CAMK1D: variants seen among roughly 807,000 people sequenced by gnomAD.
The protein encoded by CAMK1D is calcium/calmodulin dependent protein kinase ID.
In CAMK1D, 9 loss-of-function variants were observed where a neutral mutation model predicts 47.7. The observed-to-expected ratio is 0.19, with a 90% confidence interval of 0.11 to 0.33. The LOEUF (loss-of-function observed/expected upper bound fraction) is 0.33. CAMK1D is among the 10% of genes least tolerant of loss of function. The pLI, the probability that CAMK1D is intolerant of heterozygous loss-of-function variation, is 1.00. For missense variants in CAMK1D, 291 were observed against 488.7 expected, an observed-to-expected ratio of 0.60 and a Z score of 3.81; for synonymous variants, 184 against 184.9, an observed-to-expected ratio of 0.99 and a Z score of 0.04.
intron 1 of CAMK1D, among the ~76,000 whole-genome samples, chr10:12,368,135 T>C (rs1284793258): frequency 6.7e-6 from 1 of 148,744 alleles, no homozygotes; most frequent in Non-Finnish European, 1.5e-5. Context: ...GAGCTTGCAG[T>C]GAGCCGAGAT....
At chr10:12,552,476 G>T (rs58378483) in intron 1 of CAMK1D, among the ~76,000 whole-genome samples, 23,018 of 152,138 alleles carry the variant, frequency 0.15, 1,937 homozygotes, top group African/African-American at 0.22. Flanking sequence ...ATTTCCTCTA[G>T]ATGAAAAAGC....
intron 2 of CAMK1D, among the ~76,000 whole-genome samples, chr10:12,592,321 C>T (rs1838021364): frequency 6.6e-6 from 1 of 152,120 alleles, no homozygotes; most frequent in Admixed American, 6.5e-5. Flanking sequence ...TCTTGTTTTC[C>T]AGTATTTCTC....
At chr10:12,440,592 A>G (rs555218988) in intron 1 of CAMK1D, among the ~76,000 whole-genome samples, 2 of 152,124 alleles carry the variant, frequency 1.3e-5, no homozygotes, top group East Asian at 3.9e-4. Flanking sequence ...CCAGCCAGAT[A>G]CCTGTTTTTT....
intron 1 of CAMK1D, among the ~76,000 whole-genome samples, chr10:12,528,903 G>C (rs1466707782): frequency 1.3e-5 from 2 of 151,926 alleles, no homozygotes; most frequent in South Asian, 2.1e-4. Context: ...CGTTACACCT[G>C]GCTAATTTTC....
At chr10:12,684,441 A>G (rs1370877755) in intron 3 of CAMK1D, among the ~76,000 whole-genome samples, 1 of 152,150 alleles carries the variant, frequency 6.6e-6, no homozygotes, top group East Asian at 1.9e-4. Flanking sequence ...AACAGGCTCC[A>G]GGTATTTTAG....
At chr10:12,770,862 A>G (rs1837004869) in intron 5 of CAMK1D, among the ~76,000 whole-genome samples, 1 of 152,040 alleles carries the variant, frequency 6.6e-6, no homozygotes, top group Non-Finnish European at 1.5e-5. Flanking sequence ...TGAGAGCAAG[A>G]AAAAAGATGA....
chr10:12,440,042 C>G (rs993194147), intron 1 of CAMK1D, among the ~76,000 whole-genome samples: 1 of 152,140 alleles, frequency 6.6e-6, no homozygotes, highest in South Asian at 2.1e-4. Flanking sequence ...TGGGTCCCTC[C>G]CATAACATGT....
At chr10:12,538,592 C>G (rs1836055985) in intron 1 of CAMK1D, among the ~76,000 whole-genome samples, 1 of 152,110 alleles carries the variant, frequency 6.6e-6, no homozygotes, top group Non-Finnish European at 1.5e-5. Context: ...CTGACATACG[C>G]ATTGTCTTGC....
intron 2 of CAMK1D, among the ~76,000 whole-genome samples, chr10:12,571,736 C>T (rs189153665): frequency 3.3e-5 from 5 of 152,018 alleles, no homozygotes; most frequent in Admixed American, 6.6e-5. Flanking sequence ...AAACTTAAAG[C>T]TCCGTGAAGG....
chr10:12,825,910 G>A (rs969521216), intron 10 of CAMK1D: 2 of 647,290 alleles, frequency 3.1e-6, no homozygotes, highest in African/African-American at 3.7e-5. Flanking sequence ...GCTGAGGCAG[G>A]AGGACTGTTT....
At chr10:12,599,441 C>T (rs988403510) in intron 2 of CAMK1D, among the ~76,000 whole-genome samples, 9 of 152,236 alleles carry the variant, frequency 5.9e-5, no homozygotes, top group African/African-American at 1.4e-4. Context: ...GTGACCTCAT[C>T]GTGCCCACCT....
chr10:12,579,793 C>G (rs930992135), intron 2 of CAMK1D, among the ~76,000 whole-genome samples: 2 of 152,140 alleles, frequency 1.3e-5, no homozygotes, highest in Non-Finnish European at 2.9e-5. Context: ...GCTGCACCAC[C>G]CTTGTCATGG....
intron 2 of CAMK1D, among the ~76,000 whole-genome samples, chr10:12,587,579 C>T (rs958330369): frequency 6.7e-6 from 1 of 148,654 alleles, no homozygotes; most frequent in Admixed American, 6.7e-5. Flanking sequence ...CCCCAGGTGG[C>T]TTCATATGCA....
intron 6 of CAMK1D, among the ~76,000 whole-genome samples, chr10:12,813,268 G>A (rs984635658): frequency 3.9e-5 from 6 of 152,128 alleles, no homozygotes; most frequent in Non-Finnish European, 7.4e-5. Flanking sequence ...ACAACCCTCC[G>A]CATACTCAGT....
intron 3 of CAMK1D, among the ~76,000 whole-genome samples, chr10:12,728,810 C>T (rs531836053): frequency 3.0e-4 from 46 of 151,814 alleles, no homozygotes; most frequent in East Asian, 1.7e-3. Context: ...TTTGGGAGTG[C>T]GTGTGTGTGT....
In CAMK1D at chr10:12,499,292, G is replaced by A. The variant is rs78074896; in HGVS notation, c.93-53933G>A. ...AACCTTAGTAAGATGCAAATGGACG[G>A]TCCTGGGTCTCATTTCATTGCCAGG... On this transcript the variant is annotated intron_variant, in intron 1 of 10. Transcript: ENST00000619168. 4.5e-3 allele frequency among the ~76,000 whole-genome samples: 688 copies of A among 152,082 alleles called. 5 individuals carry two copies. The highest frequency in any genetic ancestry group is 0.016 in the African/African-American group (648 of 41,470).
At chr10:12,607,448 G>A (rs756579094) in intron 2 of CAMK1D, among the ~76,000 whole-genome samples, 8 of 152,180 alleles carry the variant, frequency 5.3e-5, no homozygotes, top group Admixed American at 2.0e-4. Flanking sequence ...CACCTAGGCC[G>A]TTTAGTGAGG....
At chr10:12,623,946 G>A (rs753420829) in intron 2 of CAMK1D, among the ~76,000 whole-genome samples, 4 of 152,048 alleles carry the variant, frequency 2.6e-5, no homozygotes, top group Non-Finnish European at 4.4e-5. Flanking sequence ...AGGCATAGTG[G>A]CGTGTACCTG....
intron 2 of CAMK1D, among the ~76,000 whole-genome samples, chr10:12,584,271 C>T (rs1341139792): frequency 6.6e-6 from 1 of 152,086 alleles, no homozygotes; most frequent in Non-Finnish European, 1.5e-5. Flanking sequence ...ATGTGATTCT[C>T]CAGGAAGAGA....
Sources: gnomAD v4.1 joint callset for allele counts (sites outside exome capture counted in the v4.1 genomes callset) on GRCh38, gnomAD v4.1.1 for gene constraint, MANE v1.5 for transcripts, NCBI Gene and HGNC (gene_info 2026-07-23, HGNC 2026-07-21) for gene names.